ARHGDIA: variants seen among roughly 807,000 people sequenced by gnomAD.
The protein encoded by ARHGDIA is Rho GDP dissociation inhibitor alpha, also known as rho GDP-dissociation inhibitor 1.
Under a neutral mutation model 25.0 loss-of-function variants are expected in ARHGDIA, and 9 were observed. The ratio of observed to expected loss-of-function variants is 0.36; its 90% CI spans 0.22 to 0.63. The LOEUF is 0.63. Ranked by LOEUF, ARHGDIA falls within the 20% of genes least tolerant of loss-of-function variation. The pLI is 0.69. For missense variants in ARHGDIA, 239 were observed against 264.3 expected (o/e 0.90, Z 0.66); for synonymous variants, 166 against 111.5 (o/e 1.49, Z -3.08).
chr17:81,869,450 C>G, intron 3 of ARHGDIA, 44 bp from the exon 4 acceptor site: 1 of 1,612,356 alleles, frequency 6.2e-7, no homozygotes, highest in Non-Finnish European at 8.5e-7. Context: ...AGCAGCCCTG[C>G]GCGAAGCCCC....
At position 81,868,164 on chromosome 17, in the gene ARHGDIA, A is replaced by G. The variant is rs2143403201; in HGVS notation, c.*712T>C. The G allele has an allele frequency of 1.9e-6, 1 of 530,152 alleles. No individual in the cohort carries two copies. Among genetic ancestry groups the G allele is most frequent in the East Asian group, 3.1e-5 (1 of 32,740 alleles). 32.8% of individuals were successfully genotyped at this position (530,152 alleles called of 1,614,324 possible). On this transcript the variant is annotated 3_prime_UTR_variant, in exon 6 of 6. Coordinates refer to ENST00000269321, the MANE Select transcript of ARHGDIA (RefSeq NM_004309.6). ...AGTTTTGGCAATTTGGCTTTCCCCAAGCCGCCGGAGCCATCTCCACAGCCC... is the reference window on the plus strand; with the variant it reads ...AGTTTTGGCAATTTGGCTTTCCCCAGGCCGCCGGAGCCATCTCCACAGCCC...
chr17:81,867,900 G>C lies in ARHGDIA; in HGVS notation c.*976C>G, dbSNP rs1025725923. On this transcript the variant is annotated 3_prime_UTR_variant, in exon 6 of 6. Transcript: ENST00000269321. The stretch of plus-strand genomic sequence containing the variant: ...TGGCTGGGTCAGGGAAGGCCTGCCG[G>C]GGGTGGTGGCACTGAGAGCCTGGGG... 1.9e-5 allele frequency: 3 copies of C among 156,704 alleles called. No individual in the cohort carries two copies. The highest frequency in any genetic ancestry group is 7.2e-5 in the African/African-American group (3 of 41,578). The allele number at this position is 156,704 out of a possible 1,614,324, so 9.7% of individuals were successfully genotyped here.
chr17:81,869,920 T>C lies in ARHGDIA; in HGVS notation c.11A>G (p.Gln4Arg), dbSNP rs774444641. The change falls in exon 2 of 6, where the codon CAG (glutamine) becomes CGG (arginine). Residue 4 changes from glutamine (Q) to arginine (R), a missense_variant. By Grantham distance (43) the Gln-to-Arg change is conservative (BLOSUM62 1). Around this residue, in one of 3 missense-constraint regions of ARHGDIA, gnomAD observed 135 missense variants for 119.8 expected, o/e 1.13. Coordinates refer to ENST00000269321, the MANE Select transcript of ARHGDIA (RefSeq NM_004309.6). ...GGCCAGCTGCTCGGCTGTGGGCTCC[T>C]GCTCAGCCATGCTCAAGCTTAGCCT... is the stretch of plus-strand genomic sequence containing the variant. MAE[Q>R]EPTAEQLAQI... 1 of 1,613,306 alleles carries C rather than the reference T, an allele frequency of 6.2e-7. No homozygotes were observed. The highest frequency in any genetic ancestry group is 2.2e-5 in the East Asian group (1 of 44,888).
At chr17:81,870,294 T>C in intron 1 of ARHGDIA, 1 of 263,982 alleles carries the variant, frequency 3.8e-6, no homozygotes, top group South Asian at 5.6e-5. Context: ...CACTAAACCC[T>C]CTCTTAGGGT....
chr17:81,871,102 CCCGCCCTAGCCCGCA>C (rs909525913), intron 1 of ARHGDIA, 181 bp downstream of exon 1: 1 of 147,808 alleles, frequency 6.8e-6, no homozygotes, highest in Non-Finnish European at 1.5e-5. Flanking sequence ...CCGCCCCGGC[CCCGCCCTAGCCCGCA>C]CCGCCCTGGC....
intron 1 of ARHGDIA, chr17:81,870,208 C>T (rs2039247825): frequency 2.2e-6 from 1 of 463,488 alleles, no homozygotes; most frequent in African/African-American, 2.0e-5. Flanking sequence ...CCTCCCCCTC[C>T]ACGATGGAGG....
rs145222356 is a variant in ARHGDIA at position 81,868,256 on chromosome 17, G to A, written c.*620C>T. The A allele has an allele frequency of 3.9e-3, 4,240 of 1,088,810 alleles. 20 individuals are homozygous for A. The highest frequency in any genetic ancestry group is 0.022 in the Middle Eastern group (75 of 3,444). The allele number at this position is 1,088,810 out of a possible 1,614,324, so 67.4% of individuals were successfully genotyped here. ...GGGGAGCAGCAGCAGCACACCCCAC[G>A]TGTCCCTGGGTCACTGGGTTCGCCA... On this transcript the variant is annotated 3_prime_UTR_variant, in exon 6 of 6. Transcript: ENST00000269321.
At position 81,868,598 on chromosome 17, in the gene ARHGDIA, A is replaced by G. The variant is rs541274253; in HGVS notation, c.*278T>C. The G allele has an allele frequency of 6.5e-7, 1 of 1,535,492 alleles. No homozygotes were observed. Among genetic ancestry groups the G allele is most frequent in the African/African-American group, 1.4e-5 (1 of 73,122 alleles). On this transcript the variant is annotated 3_prime_UTR_variant, in exon 6 of 6. Transcript: ENST00000269321. ...GGGAGATAGAACCTGGGGGGCACAG[A>G]AAGGGCAGCAGAGGCCTGGCTGCGG...
chr17:81,868,670 C>T lies in ARHGDIA; in HGVS notation c.*206G>A, dbSNP rs1305707578. ...GCAGAAGCAGCAACGAGACAGGAGA[C>T]CGAGGAGGCTGGGCCTGTGGGTGGG... is the stretch of plus-strand genomic sequence containing the variant. On this transcript the variant is annotated 3_prime_UTR_variant, in exon 6 of 6. Transcript: ENST00000269321. The T allele has an allele frequency of 6.5e-7, 1 of 1,534,814 alleles. No homozygotes were observed. Among genetic ancestry groups the T allele is most frequent in the Non-Finnish European group, 8.7e-7 (1 of 1,146,738 alleles).
rs3809896 is a variant in ARHGDIA, at chr17:81,868,672, G to A, written c.*204C>T. ...AGAAGCAGCAACGAGACAGGAGACC[G>A]AGGAGGCTGGGCCTGTGGGTGGGGG... On this transcript the variant is annotated 3_prime_UTR_variant, in exon 6 of 6. Coordinates refer to ENST00000269321, the MANE Select transcript of ARHGDIA (RefSeq NM_004309.6). 2.6e-6 allele frequency: 4 copies of A among 1,534,822 alleles called. No individual in the cohort carries two copies. Among genetic ancestry groups the A allele is most frequent in the Admixed American group, 2.0e-5 (1 of 50,982 alleles).
At position 81,868,476 on chromosome 17, in the gene ARHGDIA, C is replaced by G. The variant is rs1044737852; in HGVS notation, c.*400G>C. On this transcript the variant is annotated 3_prime_UTR_variant, in exon 6 of 6. Transcript: ENST00000269321. ...AGGCCGTGCATCCCACACCCCAGCT[C>G]CACCCCGGAGCAGCAGACGCACACG... 6.6e-7 allele frequency: 1 copy of G among 1,520,764 alleles called. No homozygotes were observed. Among genetic ancestry groups the G allele is most frequent in the Non-Finnish European group, 8.8e-7 (1 of 1,137,698 alleles). 94.2% of individuals were successfully genotyped at this position (1,520,764 alleles called of 1,614,324 possible).
In ARHGDIA at chr17:81,868,467, A is replaced by G. The variant is rs938296634; in HGVS notation, c.*409T>C. The stretch of plus-strand genomic sequence containing the variant: ...GCCCCCACGAGGCCGTGCATCCCAC[A>G]CCCCAGCTCCACCCCGGAGCAGCAG... On this transcript the variant is annotated 3_prime_UTR_variant, in exon 6 of 6. Coordinates refer to ENST00000269321, the MANE Select transcript of ARHGDIA (RefSeq NM_004309.6). 1 of 1,512,248 alleles carries G rather than the reference A, an allele frequency of 6.6e-7. No homozygotes were observed. The highest frequency in any genetic ancestry group is 8.8e-7 in the Non-Finnish European group (1 of 1,133,358). 93.7% of individuals were successfully genotyped at this position (1,512,248 alleles called of 1,614,324 possible).
In ARHGDIA at chr17:81,868,085, AAAAGGC is replaced by A. The variant is rs1598277820; in HGVS notation, c.*785_*790del. 1 of 344,428 alleles carries A rather than the reference AAAAGGC, an allele frequency of 2.9e-6. No individual in the cohort carries two copies. Among genetic ancestry groups the A allele is most frequent in the East Asian group, 4.3e-5 (1 of 23,022 alleles). The allele number at this position is 344,428 out of a possible 1,614,324, so 21.3% of individuals were successfully genotyped here. A position where few individuals can be genotyped will look rare whatever the true frequency, so the allele number is the denominator to read the frequency against. ...CTCTGGGCACTGCCCGCTGAGACAG[AAAAGGC>A]AGAGGCAGGACAATACCCAGCCTCC... is the stretch of plus-strand genomic sequence containing the variant. On this transcript the variant is annotated 3_prime_UTR_variant, in exon 6 of 6. Coordinates refer to ENST00000269321, the MANE Select transcript of ARHGDIA (RefSeq NM_004309.6).
Position 81,868,052 on chromosome 17 carries a change from G to A in ARHGDIA, c.*824C>T. On this transcript the variant is annotated 3_prime_UTR_variant, in exon 6 of 6. Coordinates refer to ENST00000269321, the MANE Select transcript of ARHGDIA (RefSeq NM_004309.6). ...GCTGTCCATCGAGGGCTCTTGGGGG[G>A]GTGTGGGCTCTGGGCACTGCCCGCT... is the stretch of plus-strand genomic sequence containing the variant. 1 of 275,254 alleles carries A rather than the reference G, an allele frequency of 3.6e-6. No individual in the cohort carries two copies. Among genetic ancestry groups the A allele is most frequent in the Non-Finnish European group, 6.8e-6 (1 of 146,012 alleles). The allele number at this position is 275,254 out of a possible 1,614,324, so 17.1% of individuals were successfully genotyped here.
In ARHGDIA at chr17:81,869,030, T is replaced by G. The variant is rs1207925438; in HGVS notation, c.461A>C (p.Glu154Ala). ...YMVGSYGPRA[E>A]EYEFLTPVEE... ...CACGGGGGTCAGGAACTCGTACTCC[T>G]CGGCCCGGGGCCCATAGCTGCCTAC... Residue 154 changes from glutamate to alanine, a missense_variant, in exon 6 of 6, where the codon GAG (glutamate) becomes GCG (alanine). Glu to Ala is a moderately radical substitution (Grantham distance 107). This residue lies in a region of ARHGDIA where 75 missense variants were observed against 122.4 expected (regional missense o/e 0.61). Transcript: ENST00000269321. 6.2e-7 allele frequency: 1 copy of G among 1,613,592 alleles called. No individual in the cohort carries two copies. The highest frequency in any genetic ancestry group is 8.5e-7 in the Non-Finnish European group (1 of 1,179,940).
intron 1 of ARHGDIA, 63 bp from the exon 2 acceptor site, chr17:81,870,020 G>C: frequency 6.6e-7 from 1 of 1,507,460 alleles, no homozygotes; most frequent in Admixed American, 1.9e-5. Context: ...CTTCTGAGCA[G>C]GAGTGTGGGC....
intron 3 of ARHGDIA, 28 bp downstream of exon 3, chr17:81,869,514 C>CG: frequency 6.2e-7 from 1 of 1,604,080 alleles, no homozygotes; most frequent in South Asian, 1.1e-5. Flanking sequence ...AGGGGCCGCC[C>CG]GGACCCCCGC....
In ARHGDIA at chr17:81,869,160, G is replaced by T. The variant is rs1314006576; in HGVS notation, c.415+13C>A. 8.7e-6 allele frequency: 14 copies of T among 1,613,686 alleles called. No individual in the cohort carries two copies. The highest frequency in any genetic ancestry group is 1.0e-5 in the Non-Finnish European group (12 of 1,179,936). On this transcript the variant is annotated intron_variant, in intron 5 of 5. Transcript: ENST00000269321. The stretch of plus-strand genomic sequence containing the variant: ...CAAGCGGCCCCCTCTGCCCTGCCCG[G>T]GGCCCCACTCACTCTTGACGCCTTT...
Position 81,868,116 on chromosome 17 carries a change from C to T in ARHGDIA, c.*760G>A. 4.8e-6 allele frequency: 2 copies of T among 414,062 alleles called. No homozygotes were observed. The highest frequency in any genetic ancestry group is 1.6e-4 in the South Asian group (2 of 12,724). The allele number at this position is 414,062 out of a possible 1,614,324, so 25.6% of individuals were successfully genotyped here. On this transcript the variant is annotated 3_prime_UTR_variant, in exon 6 of 6. Coordinates refer to ENST00000269321, the MANE Select transcript of ARHGDIA (RefSeq NM_004309.6). ...CAGAGGCAGGACAATACCCAGCCTCCTGGATGGTACTGAGGTGACTTGAGT... is the reference window on the plus strand; with the variant it reads ...CAGAGGCAGGACAATACCCAGCCTCTTGGATGGTACTGAGGTGACTTGAGT...
Sources: allele counts gnomAD v4.1 joint callset, GRCh38; gene constraint gnomAD v4.1.1; regional missense constraint gnomAD v4.1.1; transcripts MANE v1.5; gene names NCBI Gene and HGNC (gene_info 2026-07-23, HGNC 2026-07-21).